Variants in JMJD1C observed in about 807,000 individuals in gnomAD.
The protein encoded by JMJD1C is jumonji domain-containing protein 1C.
A neutral mutation model predicts 245.3 loss-of-function variants in JMJD1C; 31 were observed. The observed-to-expected ratio is 0.13, with a 90% confidence interval of 0.09 to 0.17. The LOEUF (loss-of-function observed/expected upper bound fraction) is 0.17, where lower values mean the gene tolerates loss of function less well. Ranked by LOEUF, JMJD1C falls within the 10% of genes least tolerant of loss-of-function variation. The pLI is 1.00. For missense variants in JMJD1C, 2,691 were observed against 3,000.2 expected, an observed-to-expected ratio of 0.90 and a Z score of 2.41; for synonymous variants, 1,057 against 1,017.4, an observed-to-expected ratio of 1.04 and a Z score of -0.74.
intron 3 of JMJD1C, among the ~76,000 whole-genome samples, chr10:63,246,982 A>G (rs567701810): frequency 3.3e-5 from 5 of 152,184 alleles, no homozygotes; most frequent in African/African-American, 4.8e-5. Context: ...CTATATTTAA[A>G]AAGTAGACTT....
intron 1 of JMJD1C, among the ~76,000 whole-genome samples, chr10:63,451,180 G>A (rs1438622975): frequency 6.6e-6 from 1 of 152,096 alleles, no homozygotes; most frequent in Non-Finnish European, 1.5e-5. Context: ...CAGAAAATCC[G>A]ATATTAAGAT....
chr10:63,273,565 A>C (rs1856524525), intron 2 of JMJD1C, among the ~76,000 whole-genome samples: 1 of 152,188 alleles, frequency 6.6e-6, no homozygotes, highest in Non-Finnish European at 1.5e-5. Context: ...CACACAATTT[A>C]GTCCTTTAAA....
At chr10:63,321,846 C>G (rs1406063463) in intron 2 of JMJD1C, among the ~76,000 whole-genome samples, 1 of 152,204 alleles carries the variant, frequency 6.6e-6, no homozygotes, top group African/African-American at 2.4e-5. Context: ...TGCCCTCTCT[C>G]TTGACCTGGG....
chr10:63,296,014 T>TAA (rs1554877207), intron 2 of JMJD1C, among the ~76,000 whole-genome samples: 1 of 23,816 alleles, frequency 4.2e-5, no homozygotes, highest in Non-Finnish European at 8.5e-5. Context: ...TATATATATA[T>TAA]TTTTTTTTTT....
chr10:63,204,382 T>C, intron 10 of JMJD1C: 2 of 984,738 alleles, frequency 2.0e-6, no homozygotes, highest in South Asian at 9.4e-5. Flanking sequence ...TGTGAATATG[T>C]ATATTCGTCT....
intron 21 of JMJD1C, among the ~76,000 whole-genome samples, chr10:63,184,321 A>G (rs559637074): frequency 2.8e-5 from 4 of 142,384 alleles, no homozygotes; most frequent in Non-Finnish European, 4.6e-5. Context: ...GCTCACTGCA[A>G]CCTCCACGCC....
intron 1 of JMJD1C, among the ~76,000 whole-genome samples, chr10:63,456,634 T>C (rs899055443): frequency 6.6e-6 from 1 of 152,138 alleles, no homozygotes; most frequent in African/African-American, 2.4e-5. Flanking sequence ...ACAGACCTCT[T>C]CTAGCTTTGA....
At chr10:63,466,139 A>AGGCGGCGGCGGCGGCGGC (rs3841602), upstream of JMJD1C, 14 of 176,942 alleles carry the variant, frequency 7.9e-5, 3 homozygotes, top group East Asian at 5.2e-4. Flanking sequence ...CCAGATCCAG[A>AGGCGGCGGCGGCGGCGGC]GGCGGCGGCG....
chr10:63,484,211 T>A (rs1329240566), intron 1 of JMJD1C, among the ~76,000 whole-genome samples: 1 of 31,342 alleles, frequency 3.2e-5, no homozygotes, highest in East Asian at 6.8e-4. Flanking sequence ...GATGGATGGA[T>A]GGATGGATGG....
intron 1 of JMJD1C, among the ~76,000 whole-genome samples, chr10:63,506,095 C>T (rs11815969): frequency 0.14 from 20,743 of 152,106 alleles, 2,079 homozygotes; most frequent in Admixed American, 0.29. Context: ...AGACCAAAAA[C>T]ACTTTCTTAG....
At chr10:63,485,048 G>A (rs1953951300) in intron 1 of JMJD1C, among the ~76,000 whole-genome samples, 2 of 151,072 alleles carry the variant, frequency 1.3e-5, no homozygotes, top group Non-Finnish European at 2.9e-5. Context: ...ACCCACTAAA[G>A]GGATGGTAAC....
chr10:63,463,710 C>CT (rs997002902), intron 1 of JMJD1C, among the ~76,000 whole-genome samples: 6 of 152,070 alleles, frequency 3.9e-5, no homozygotes, highest in South Asian at 4.2e-4. Flanking sequence ...ATACATTTTT[C>CT]TTTTTTTGGT....
chr10:63,426,263 C>CT (rs1030710808), intron 1 of JMJD1C, among the ~76,000 whole-genome samples: 2 of 151,852 alleles, frequency 1.3e-5, no homozygotes, highest in African/African-American at 2.4e-5. Context: ...ACTGGTAGTC[C>CT]TCACAGGATC....
intron 1 of JMJD1C, among the ~76,000 whole-genome samples, chr10:63,411,362 A>C (rs1949465005): frequency 6.9e-6 from 1 of 144,762 alleles, no homozygotes; most frequent in African/African-American, 2.6e-5. Flanking sequence ...TAGGTGGCCC[A>C]ATCTTGGCTC....
chr10:63,212,967 C>G (rs1847538856), intron 8 of JMJD1C, among the ~76,000 whole-genome samples: 1 of 151,226 alleles, frequency 6.6e-6, no homozygotes, highest in Non-Finnish European at 1.5e-5. Flanking sequence ...ACAGACGGAT[C>G]ACAAGGTCAG....
intron 1 of JMJD1C, among the ~76,000 whole-genome samples, chr10:63,402,143 G>C (rs10761753): frequency 1.5e-3 from 211 of 144,554 alleles, no homozygotes; most frequent in African/African-American, 4.3e-3. Context: ...CAAAAAAAAA[G>C]AAAAAAAAAC....
chr10:63,178,017 T>C (rs1482468182), intron 22 of JMJD1C, among the ~76,000 whole-genome samples, 161 bp from the exon 23 acceptor site: 3 of 152,196 alleles, frequency 2.0e-5, no homozygotes, highest in Non-Finnish European at 2.9e-5. Context: ...CTTGGCTCAC[T>C]GCAGCTTCCG....
At chr10:63,492,439 G>C (rs1188716371) in intron 1 of JMJD1C, among the ~76,000 whole-genome samples, 1 of 152,214 alleles carries the variant, frequency 6.6e-6, no homozygotes, top group Non-Finnish European at 1.5e-5. Flanking sequence ...GCCAAGGTTG[G>C]TGGATCACTT....
At chr10:63,521,690 C>G in intron 1 of JMJD1C, 1 of 723,964 alleles carries the variant, frequency 1.4e-6, no homozygotes, top group South Asian at 4.6e-5. Flanking sequence ...ACGGGGTAGC[C>G]CGGCCTCGGG....
Sources: allele counts gnomAD v4.1 joint callset (sites outside exome capture counted in the v4.1 genomes callset), GRCh38; gene constraint gnomAD v4.1.1; transcripts MANE v1.5; gene names NCBI Gene and HGNC (gene_info 2026-07-23, HGNC 2026-07-21).